CRACD: variants seen among roughly 807,000 people sequenced by gnomAD.
CRACD encodes capping protein inhibiting regulator of actin dynamics.
CRACD carries 56 observed loss-of-function variants against 106.8 expected under a neutral mutation model. The observed-to-expected ratio is 0.52, with a 90% CI of 0.42 to 0.66. The LOEUF (loss-of-function observed/expected upper bound fraction) is 0.66. Among genes scored for constraint, CRACD ranks in the 30% least tolerant of loss-of-function variants. The probability of loss-of-function intolerance (pLI) is 0.00; values close to 1 mark genes in which losing one functional copy is unlikely to be tolerated. For missense variants in CRACD, 1,730 were observed against 1,623.2 expected (o/e 1.07, Z -1.13); for synonymous variants, 754 against 670.8 (o/e 1.12, Z -1.92).
intron 1 of CRACD, among the ~76,000 whole-genome samples, chr4:56,100,698 G>A (rs1051379080): frequency 6.6e-6 from 1 of 151,994 alleles, no homozygotes; most frequent in Admixed American, 6.5e-5. Context: ...TTTGGATGTA[G>A]CATACACAGA....
At position 56,072,972 on chromosome 4, in the gene CRACD, G is replaced by T. The variant is rs35736349; in HGVS notation, c.-336+23673G>T. ...ATGGCTGCATAGTATGCCATGTTGT[G>T]TATGTGCCACATTTTCTTTATCCAG... On this transcript the variant is annotated intron_variant, in intron 1 of 10. Coordinates refer to ENST00000682029, the MANE Select transcript of CRACD (RefSeq NM_001393381.1). 2.5e-3 allele frequency among the ~76,000 whole-genome samples: 380 copies of T among 152,012 alleles called. 2 individuals carry two copies. The highest frequency in any genetic ancestry group is 8.1e-3 in the African/African-American group (335 of 41,446).
intron 2 of CRACD, among the ~76,000 whole-genome samples, chr4:56,210,627 A>G (rs566764051): frequency 6.6e-6 from 1 of 152,378 alleles, no homozygotes; most frequent in South Asian, 2.1e-4. Flanking sequence ...TTTGTTAGGT[A>G]AACATTAATC....
intron 2 of CRACD, among the ~76,000 whole-genome samples, chr4:56,211,510 A>G (rs958831440): frequency 1.3e-5 from 2 of 152,240 alleles, no homozygotes; most frequent in Non-Finnish European, 2.9e-5. Context: ...CTTGTCCCAC[A>G]TCCAAGAAGA....
intron 2 of CRACD, among the ~76,000 whole-genome samples, chr4:56,213,091 G>A (rs185198518): frequency 5.9e-5 from 9 of 152,254 alleles, no homozygotes; most frequent in African/African-American, 2.2e-4. Context: ...GTCTCTGTAA[G>A]CTCCACTTTG....
intron 2 of CRACD, among the ~76,000 whole-genome samples, chr4:56,203,257 G>C (rs1219285199): frequency 6.6e-6 from 1 of 152,172 alleles, no homozygotes; most frequent in East Asian, 1.9e-4. Flanking sequence ...TAATCAGCAA[G>C]GGTCTGGCCA....
chr4:56,314,133 GA>G lies in CRACD; in HGVS notation c.633del (p.Glu211AspfsTer38). On this transcript the variant is annotated frameshift_variant, in exon 8 of 11. Coordinates refer to ENST00000682029, the MANE Select transcript of CRACD (RefSeq NM_001393381.1). LOFTEE classifies it high-confidence loss of function. The surrounding 1 kb of genome is among the most constrained non-coding windows in gnomAD (Gnocchi z 4.4). The stretch of plus-strand genomic sequence containing the variant: ...GGACAAGCCAACGTGGCACGAAGAG[GA>G]ACCCAATCCGCTGGATTCCGAGGAA... The part of the protein sequence containing the change: ...GEDKPTWHEE[E>X]PNPLDSEEER... The G allele has an allele frequency of 6.2e-7, 1 of 1,614,190 alleles. No homozygotes were observed. Among genetic ancestry groups the G allele is most frequent in the Non-Finnish European group, 8.5e-7 (1 of 1,180,038 alleles).
chr4:56,099,302 C>T (rs923302298), intron 1 of CRACD, among the ~76,000 whole-genome samples: 4 of 152,110 alleles, frequency 2.6e-5, no homozygotes, highest in African/African-American at 9.7e-5. Flanking sequence ...TTGATGTTCC[C>T]TGTTTCCTCT....
chr4:56,233,630 T>C (rs914445263), intron 2 of CRACD, among the ~76,000 whole-genome samples: 1 of 152,230 alleles, frequency 6.6e-6, no homozygotes, highest in African/African-American at 2.4e-5. Context: ...TAAAGTCAGA[T>C]AGTGTTATTT....
At chr4:56,134,148 C>T (rs774260495) in intron 1 of CRACD, among the ~76,000 whole-genome samples, 1 of 151,912 alleles carries the variant, frequency 6.6e-6, no homozygotes, top group Middle Eastern at 3.4e-3. Flanking sequence ...TTGTAGTGAG[C>T]CGAGATTCCC....
intron 3 of CRACD, among the ~76,000 whole-genome samples, chr4:56,296,916 G>T (rs28653057): frequency 0.025 from 3,125 of 123,526 alleles, 86 homozygotes; most frequent in African/African-American, 0.077. Flanking sequence ...CTTTTTTTTT[G>T]TTTGTTTTTT....
chr4:56,323,200 A>G (rs569750787), intron 8 of CRACD, among the ~76,000 whole-genome samples, 177 bp from the exon 9 acceptor site: 2 of 152,270 alleles, frequency 1.3e-5, no homozygotes, highest in African/African-American at 4.8e-5. Flanking sequence ...GTGATCAAAC[A>G]TGTTACCTTC....
intron 1 of CRACD, among the ~76,000 whole-genome samples, chr4:56,123,358 G>A (rs947906003): frequency 1.3e-5 from 2 of 152,224 alleles, no homozygotes; most frequent in Admixed American, 6.5e-5. Flanking sequence ...TTTGTAGTGA[G>A]TAATCTCTTC....
At chr4:56,320,209 G>C (rs1745988934) in intron 8 of CRACD, among the ~76,000 whole-genome samples, 1 of 151,884 alleles carries the variant, frequency 6.6e-6, no homozygotes, top group African/African-American at 2.4e-5. Flanking sequence ...ACGTACTTAG[G>C]GTGGATAAAA....
At chr4:56,247,811 A>C (rs1740770811) in intron 2 of CRACD, among the ~76,000 whole-genome samples, 1 of 151,500 alleles carries the variant, frequency 6.6e-6, no homozygotes, top group Non-Finnish European at 1.5e-5. Context: ...GCACCACTGC[A>C]CTCTAGCCTG....
intron 1 of CRACD, among the ~76,000 whole-genome samples, chr4:56,103,226 A>G (rs1320873874): frequency 6.6e-6 from 1 of 152,232 alleles, no homozygotes; most frequent in East Asian, 1.9e-4. Context: ...TCTTCAGGAA[A>G]AGAACAGTAC....
chr4:56,090,438 C>T (rs1300665329), intron 1 of CRACD, among the ~76,000 whole-genome samples: 2 of 152,088 alleles, frequency 1.3e-5, no homozygotes, highest in Non-Finnish European at 2.9e-5. Flanking sequence ...CATTCTGTCG[C>T]CCAGGCTGGA....
chr4:56,072,034 A>G (rs1446913353), intron 1 of CRACD, among the ~76,000 whole-genome samples: 1 of 151,106 alleles, frequency 6.6e-6, no homozygotes, highest in Non-Finnish European at 1.5e-5. Flanking sequence ...AGGCTGAGGC[A>G]GGAGAATGGC....
At chr4:56,261,947 T>C (rs536280306) in intron 2 of CRACD, among the ~76,000 whole-genome samples, 15 of 152,142 alleles carry the variant, frequency 9.9e-5, no homozygotes, top group African/African-American at 3.6e-4. Context: ...CTTTGCAAAA[T>C]CATGAAATGA....
intron 1 of CRACD, among the ~76,000 whole-genome samples, chr4:56,129,789 A>G (rs1242040327): frequency 6.6e-6 from 1 of 152,200 alleles, no homozygotes; most frequent in East Asian, 1.9e-4. Flanking sequence ...GGGATGTGAT[A>G]GGATTATGCG....
Sources: gnomAD v4.1 joint callset for allele counts (sites outside exome capture counted in the v4.1 genomes callset) on GRCh38, gnomAD v4.1.1 for gene constraint, Gnocchi (gnomAD v3.1) non-coding constraint, MANE v1.5 for transcripts, NCBI Gene and HGNC (gene_info 2026-07-23, HGNC 2026-07-21) for gene names.